TCP11L1: variants seen among roughly 807,000 people sequenced by gnomAD.
TCP11L1 encodes the protein T-complex protein 11-like protein 1.
Under a neutral mutation model 48.9 loss-of-function variants are expected in TCP11L1, and 28 were observed. The ratio of observed to expected loss-of-function variants is 0.57; its 90% CI spans 0.42 to 0.78. The LOEUF (loss-of-function observed/expected upper bound fraction) is 0.78, where lower values mean the gene tolerates loss of function less well. Among genes scored for constraint, TCP11L1 ranks in the 30% least tolerant of loss-of-function variants. The pLI is 0.00. For synonymous variants in TCP11L1, 204 were observed against 231.9 expected, an observed-to-expected ratio of 0.88 and a Z score of 1.09; for missense variants, 505 against 613.4, an observed-to-expected ratio of 0.82 and a Z score of 1.87.
At chr11:33,042,958 C>CAGA (rs1564972464) in intron 1 of TCP11L1, among the ~76,000 whole-genome samples, 2 of 152,208 alleles carry the variant, frequency 1.3e-5, no homozygotes, top group South Asian at 2.1e-4. Flanking sequence ...CCCAGCTACT[C>CAGA]AGAAGGCTGA....
intron 5 of TCP11L1, 88 bp from the exon 6 acceptor site, chr11:33,058,871 C>A: frequency 6.9e-7 from 1 of 1,453,322 alleles, no homozygotes; most frequent in Non-Finnish European, 9.4e-7. Flanking sequence ...GTTGGGATTA[C>A]AGGTGTGAGC....
rs1783457489 is a variant in TCP11L1 at position 33,072,506 on chromosome 11, C to A, written c.1360C>A (p.Leu454Ile). Reference protein sequence around the residue: ...SRILTFLETYLASGHQKPLPT... With the variant: ...SRILTFLETYIASGHQKPLPT... ...AATCCTGACCTTCTTAGAAACCTACCTTGCCTCGGGTCATCAGAAGCCATT... is the reference window on the plus strand; with the variant it reads ...AATCCTGACCTTCTTAGAAACCTACATTGCCTCGGGTCATCAGAAGCCATT... The change falls in exon 10 of 10, where the codon CTT becomes ATT. Residue 454 changes from leucine (L) to isoleucine (I), a missense_variant. Transcript: ENST00000334274. The A allele has an allele frequency of 6.2e-7, 1 of 1,614,146 alleles. No individual in the cohort carries two copies.
chr11:33,055,621 AT>A, intron 3 of TCP11L1, among the ~76,000 whole-genome samples: 1 of 152,184 alleles, frequency 6.6e-6, no homozygotes, highest in East Asian at 1.9e-4. Context: ...GGCAGAGTAT[AT>A]TGTTGCCCTG....
At position 33,072,327 on chromosome 11, in the gene TCP11L1, G is replaced by T. The variant is rs1854815444; in HGVS notation, c.1328-147G>T. Reference sequence around the variant, plus strand: ...TTATAAATGGGATGAATATGCAGAAGTGCAAGGTGCTGTGGGTATCTGGTC... The same window carrying T: ...TTATAAATGGGATGAATATGCAGAATTGCAAGGTGCTGTGGGTATCTGGTC... On this transcript the variant is annotated intron_variant, in intron 9 of 9. Transcript: ENST00000334274. 6 of 767,346 alleles carry T rather than the reference G, an allele frequency of 7.8e-6. No homozygotes were observed. In the South Asian group the frequency reaches 9.9e-5, roughly 13 times the overall value. The allele number at this position is 767,346 out of a possible 1,614,324, so 47.5% of individuals were successfully genotyped here.
At chr11:33,047,502 ACAT>A (rs1854034402) in intron 2 of TCP11L1, among the ~76,000 whole-genome samples, 1 of 152,246 alleles carries the variant, frequency 6.6e-6, no homozygotes, top group Admixed American at 6.5e-5. Flanking sequence ...CAGATGACAA[ACAT>A]CAATTGTTAT....
At chr11:33,062,261 C>G (rs1854489258) in intron 7 of TCP11L1, among the ~76,000 whole-genome samples, 1 of 152,096 alleles carries the variant, frequency 6.6e-6, no homozygotes, top group Non-Finnish European at 1.5e-5. Flanking sequence ...TTCATCACCT[C>G]CAATAGAAAC....
chr11:33,050,477 CAG>C (rs750712702), intron 2 of TCP11L1, among the ~76,000 whole-genome samples: 4 of 151,964 alleles, frequency 2.6e-5, no homozygotes, highest in Admixed American at 6.6e-5. Flanking sequence ...TAACTGATAA[CAG>C]AAATAATTTA....
chr11:33,041,827 T>C (rs796418061), intron 1 of TCP11L1, among the ~76,000 whole-genome samples: 69 of 152,284 alleles, frequency 4.5e-4, no homozygotes, highest in African/African-American at 1.5e-3. Flanking sequence ...TGGAGTTCTC[T>C]GAAATTTCAC....
rs1407783483 is a variant in TCP11L1 at position 33,068,939 on chromosome 11, C to T, written c.1327+80C>T. On this transcript the variant is annotated intron_variant, in intron 9 of 9. Coordinates refer to ENST00000334274, the MANE Select transcript of TCP11L1 (RefSeq NM_018393.4). The stretch of plus-strand genomic sequence containing the variant: ...GAGTCCATCTGAAGAAACCTGAGGG[C>T]TCAGCTGGAGTTAAGGTGCTGATGG... The T allele has an allele frequency of 3.9e-6, 6 of 1,524,102 alleles. No homozygotes were observed. In the African/African-American group the frequency reaches 8.2e-5, roughly 21 times the overall value. 94.4% of individuals were successfully genotyped at this position (1,524,102 alleles called of 1,614,324 possible).
intron 7 of TCP11L1, among the ~76,000 whole-genome samples, chr11:33,064,208 C>CT: frequency 6.6e-6 from 1 of 152,208 alleles, no homozygotes; most frequent in East Asian, 1.9e-4. Flanking sequence ...CTGGGGACAG[C>CT]TGTCTACTCC....
intron 3 of TCP11L1, among the ~76,000 whole-genome samples, chr11:33,055,735 A>C (rs967362169): frequency 2.6e-5 from 4 of 152,212 alleles, no homozygotes; most frequent in African/African-American, 9.6e-5. Flanking sequence ...GAGATTTCTT[A>C]TATCTGCAAA....
At chr11:33,070,531 C>T (rs1442632067) in intron 9 of TCP11L1, among the ~76,000 whole-genome samples, 1 of 150,930 alleles carries the variant, frequency 6.6e-6, no homozygotes, top group Non-Finnish European at 1.5e-5. Flanking sequence ...ACTAAAAATG[C>T]GAAATTAGCC....
intron 1 of TCP11L1, 195 bp downstream of exon 1, chr11:33,039,987 C>T (rs1853780564): frequency 6.6e-6 from 1 of 152,340 alleles, no homozygotes. Context: ...GCGTCCTCCC[C>T]TACTCCCGGC....
intron 7 of TCP11L1, among the ~76,000 whole-genome samples, chr11:33,064,815 T>C (rs1447601261): frequency 6.6e-6 from 1 of 152,216 alleles, no homozygotes; most frequent in African/African-American, 2.4e-5. Context: ...GGAGTCTCAC[T>C]ATGTTGTCCA....
At position 33,068,695 on chromosome 11, in the gene TCP11L1, A is replaced by C. The variant is rs1216899431; in HGVS notation, c.1163A>C (p.His388Pro). Residue 388 changes from histidine (H) to proline (P), a missense_variant, in exon 9 of 10, where the codon CAT becomes CCT. Physicochemically the swap from His to Pro is moderately conservative, Grantham distance 77 (BLOSUM62 -2). This residue lies in a region of TCP11L1 where 335 missense variants were observed against 413.3 expected (regional missense o/e 0.81). Transcript: ENST00000334274. Reference protein sequence around the residue: ...LLTDMHLPSFHLKDVLTTIGE... With the variant: ...LLTDMHLPSFPLKDVLTTIGE... ...CCCCTCCTCTGCCCCAGCTCCTTCC[A>C]TCTGAAGGACGTCCTCACTACCATC... 6.2e-7 allele frequency: 1 copy of C among 1,613,876 alleles called. No homozygotes were observed. Among genetic ancestry groups the C allele is most frequent in the African/African-American group, 1.3e-5 (1 of 74,910 alleles).
intron 1 of TCP11L1, chr11:33,040,362 G>A (rs1421935630): frequency 6.6e-6 from 1 of 152,186 alleles, no homozygotes. Context: ...ACAATCCCTC[G>A]TTTCATCTCC....
chr11:33,045,123 G>A (rs1401600544), intron 2 of TCP11L1, among the ~76,000 whole-genome samples: 1 of 152,046 alleles, frequency 6.6e-6, no homozygotes, highest in African/African-American at 2.4e-5. Flanking sequence ...GGGCGGCTGA[G>A]GCAGGAAGAT....
chr11:33,059,243 T>C (rs908246869), intron 6 of TCP11L1, 148 bp downstream of exon 6: 1 of 1,082,798 alleles, frequency 9.2e-7, no homozygotes, highest in African/African-American at 1.6e-5. Flanking sequence ...CACAAAATGT[T>C]GGGACTACAT....
chr11:33,047,747 T>C (rs1854041671), intron 2 of TCP11L1, among the ~76,000 whole-genome samples: 1 of 152,238 alleles, frequency 6.6e-6, no homozygotes, highest in Admixed American at 6.5e-5. Flanking sequence ...ATTGTCTCTG[T>C]CCTCATGGAG....
Sources: gnomAD v4.1 joint callset for allele counts (sites outside exome capture counted in the v4.1 genomes callset) on GRCh38, gnomAD v4.1.1 for gene constraint, gnomAD v4.1.1 regional missense constraint, MANE v1.5 for transcripts, NCBI Gene and HGNC (gene_info 2026-07-23, HGNC 2026-07-21) for gene names.